The following WDR86 variants were observed in gnomAD, a reference collection of about 807,000 sequenced individuals.
WDR86 encodes WD repeat-containing protein 86.
WDR86 carries 30 observed loss-of-function variants against 36.5 expected under a neutral mutation model. The ratio of observed to expected loss-of-function variants is 0.82; its 90% CI spans 0.61 to 1.11. The LOEUF (loss-of-function observed/expected upper bound fraction) is 1.11. Among genes scored for constraint, WDR86 ranks in the 50% most tolerant of loss-of-function variants. The pLI, the probability that WDR86 is intolerant of heterozygous loss-of-function variation, is 0.00. For missense variants in WDR86, 545 were observed against 561.2 expected (o/e 0.97, Z 0.29); for synonymous variants, 255 against 252.9 (o/e 1.01, Z -0.08).
downstream of WDR86, among the ~76,000 whole-genome samples, chr7:151,373,726 T>C (rs1319850217): frequency 6.6e-6 from 1 of 152,176 alleles, no homozygotes; most frequent in East Asian, 1.9e-4. Flanking sequence ...TCCTACCCGG[T>C]TCCTACCTGG....
At chr7:151,408,767 C>T in intron 1 of WDR86, 1 of 403,702 alleles carries the variant, frequency 2.5e-6, no homozygotes, top group Non-Finnish European at 5.2e-6. Flanking sequence ...GGCACACTGA[C>T]CTCCTGAGTG....
the WDR86 span, among the ~76,000 whole-genome samples, chr7:151,370,491 C>T: frequency 6.6e-6 from 1 of 152,144 alleles, no homozygotes; most frequent in Non-Finnish European, 1.5e-5. Flanking sequence ...TATTACTCCA[C>T]TACCAGTAAG....
downstream of WDR86, among the ~76,000 whole-genome samples, chr7:151,371,502 C>T (rs937240354): frequency 6.6e-6 from 1 of 152,180 alleles, no homozygotes; most frequent in East Asian, 1.9e-4. Context: ...AACGCCAAGA[C>T]TGGCTCAGGC....
At chr7:151,400,011 C>T in intron 2 of WDR86, 89 bp downstream of exon 2, 1 of 1,285,514 alleles carries the variant, frequency 7.8e-7, no homozygotes, top group African/African-American at 1.5e-5. Context: ...CAAGGGCCCT[C>T]ACGTGCAGGG....
chr7:151,376,675 G>A (rs745961599), downstream of WDR86: 25 of 1,611,276 alleles, frequency 1.6e-5, no homozygotes, highest in East Asian at 4.5e-5. Flanking sequence ...CCGAAGCTGC[G>A]CTGAGAGTGT....
intron 1 of WDR86, among the ~76,000 whole-genome samples, chr7:151,404,553 G>C (rs1800574356): frequency 6.6e-6 from 1 of 152,192 alleles, no homozygotes; most frequent in South Asian, 2.1e-4. Flanking sequence ...CACCCCTGGA[G>C]CTGAGGCCCC....
Position 151,392,239 on chromosome 7 carries a change from C to T in WDR86, c.726+3537G>A, listed in dbSNP as rs1799490550. On this transcript the variant is annotated intron_variant, in intron 3 of 5. Coordinates refer to ENST00000334493, the MANE Select transcript of WDR86 (RefSeq NM_198285.3). ...CCCTGCGCCCAGGCCTGGGTCATGT[C>T]CCTTCTCTCTTGCCCACATGCCCCC... is the stretch of plus-strand genomic sequence containing the variant. Among the ~76,000 whole-genome samples the T allele has an allele frequency of 2.0e-5, 3 of 152,164 alleles. 1 individual carries two copies. In the South Asian group the frequency reaches 6.2e-4, roughly 32 times the overall value.
chr7:151,374,258 G>A (rs778840390), downstream of WDR86: 88 of 1,551,124 alleles, frequency 5.7e-5, no homozygotes, highest in Non-Finnish European at 6.7e-5. Flanking sequence ...CAGCTCCCTC[G>A]GGGCCTCTGG....
intron 3 of WDR86, among the ~76,000 whole-genome samples, chr7:151,386,532 C>A (rs1285117772): frequency 6.6e-6 from 1 of 152,164 alleles, no homozygotes; most frequent in East Asian, 1.9e-4. Flanking sequence ...ACTGGATGGT[C>A]CCCTCCCCAA....
At chr7:151,371,277 C>T (rs535683070), downstream of WDR86, among the ~76,000 whole-genome samples, 9 of 152,196 alleles carry the variant, frequency 5.9e-5, no homozygotes, top group East Asian at 1.2e-3. Context: ...GTAAAAAGTC[C>T]AGAAGTAGGA....
chr7:151,370,549 A>T, the WDR86 span, among the ~76,000 whole-genome samples: 2 of 151,420 alleles, frequency 1.3e-5, no homozygotes, highest in East Asian at 3.8e-4. Context: ...ATTTTATTTT[A>T]TTATTATTAT....
At chr7:151,395,494 GACACACAC>G (rs57122668) in intron 3 of WDR86, among the ~76,000 whole-genome samples, 3,740 of 147,140 alleles carry the variant, frequency 0.025, 151 homozygotes, top group African/African-American at 0.084. Context: ...AAGAGATTAG[GACACACAC>G]ACACACACAC....
chr7:151,394,700 A>G (rs1202087993), intron 3 of WDR86, among the ~76,000 whole-genome samples: 1 of 152,260 alleles, frequency 6.6e-6, no homozygotes, highest in Non-Finnish European at 1.5e-5. Context: ...CTGTTCACGC[A>G]TCTTCCATTG....
chr7:151,378,775 C>T (rs928360663), downstream of WDR86, among the ~76,000 whole-genome samples: 2 of 152,244 alleles, frequency 1.3e-5, no homozygotes, highest in Non-Finnish European at 2.9e-5. Context: ...TGAATTTAAG[C>T]TTTTGGCTAA....
At chr7:151,376,347 A>AC (rs1798244061), downstream of WDR86, 1 of 487,384 alleles carries the variant, frequency 2.1e-6, no homozygotes, top group Admixed American at 3.5e-5. Context: ...GTGGCCACTG[A>AC]CCTCGCGGTG....
chr7:151,410,676 G>A (rs894171418), upstream of WDR86: 3 of 152,374 alleles, frequency 2.0e-5, no homozygotes, highest in Non-Finnish European at 4.4e-5. Flanking sequence ...AGCGCCCGGC[G>A]GCTGGTTTCC....
chr7:151,406,645 T>C lies in WDR86; in HGVS notation c.163+2782A>G, dbSNP rs972930699. Among the ~76,000 whole-genome samples, 2 of 152,190 alleles carry C rather than the reference T, an allele frequency of 1.3e-5. No homozygotes were observed. Among genetic ancestry groups the C allele is most frequent in the Non-Finnish European group, 2.9e-5 (2 of 68,028 alleles). On this transcript the variant is annotated intron_variant, in intron 1 of 5. Transcript: ENST00000334493. The surrounding 1 kb of genome is among the most constrained non-coding windows in gnomAD (Gnocchi z 4.4). ...CAGTCTTCAGAAACCCTCTCTGCCA[T>C]GGACCAGCTGCGGGACCCTGGACAA...
In WDR86 at chr7:151,381,524, C is replaced by T; in HGVS notation, c.*58G>A. The T allele has an allele frequency of 1.4e-6, 2 of 1,418,226 alleles. No homozygotes were observed. The highest frequency in any genetic ancestry group is 1.8e-6 in the Non-Finnish European group (2 of 1,097,752). 87.9% of individuals were successfully genotyped at this position (1,418,226 alleles called of 1,614,324 possible). Reference sequence around the variant, plus strand: ...GGCGCCACCACCGCGGGTAGCAGGGCGGGGCGCTCTGGGAGCCGCTGGGTG... The same window carrying T: ...GGCGCCACCACCGCGGGTAGCAGGGTGGGGCGCTCTGGGAGCCGCTGGGTG... On this transcript the variant is annotated 3_prime_UTR_variant, in exon 6 of 6. Coordinates refer to ENST00000334493, the MANE Select transcript of WDR86 (RefSeq NM_198285.3). The surrounding 1 kb of genome is among the most constrained non-coding windows in gnomAD (Gnocchi z 4.8).
At chr7:151,374,527 A>G (rs985621025), downstream of WDR86, 4 of 502,720 alleles carry the variant, frequency 8.0e-6, no homozygotes, top group Admixed American at 6.8e-5. Flanking sequence ...TTCTGTGTGC[A>G]GCAGAGTTTA....
Sources: gnomAD v4.1 joint callset for allele counts (sites outside exome capture counted in the v4.1 genomes callset) on GRCh38, gnomAD v4.1.1 for gene constraint, Gnocchi (gnomAD v3.1) non-coding constraint, MANE v1.5 for transcripts, NCBI Gene and HGNC (gene_info 2026-07-23, HGNC 2026-07-21) for gene names.